CFAP92: variants seen among roughly 807,000 people sequenced by gnomAD.
The protein encoded by CFAP92 is uncharacterized protein CFAP92.
Under a neutral mutation model 106.3 loss-of-function variants are expected in CFAP92, and 86 were observed. The observed-to-expected ratio is 0.81, with a 90% confidence interval of 0.68 to 0.97. The LOEUF is 0.97. CFAP92 is among the 50% of genes least tolerant of loss of function. The probability of loss-of-function intolerance (pLI) is 0.00; values close to 1 mark genes in which losing one functional copy is unlikely to be tolerated. For missense variants in CFAP92, 1,204 were observed against 1,283.8 expected (o/e 0.94, Z 0.95); for synonymous variants, 477 against 506.4 (o/e 0.94, Z 0.78).
At chr3:129,019,563 T>G in the CFAP92 span, among the ~76,000 whole-genome samples, 1 of 152,134 alleles carries the variant, frequency 6.6e-6, no homozygotes, top group African/African-American at 2.4e-5. Flanking sequence ...AGAACTACAG[T>G]TCTGGGAAAA....
intron 12 of CFAP92, among the ~76,000 whole-genome samples, chr3:128,919,985 C>T (rs1330204392): frequency 1.3e-5 from 2 of 152,150 alleles, no homozygotes; most frequent in East Asian, 1.9e-4. Flanking sequence ...GTTTTCAATA[C>T]CCTCTTTACC....
At chr3:128,924,726 C>T (rs556130054) in intron 12 of CFAP92, among the ~76,000 whole-genome samples, 25 of 152,226 alleles carry the variant, frequency 1.6e-4, no homozygotes, top group African/African-American at 5.5e-4. Flanking sequence ...GGATTATAGG[C>T]GTGAGCCACC....
chr3:128,994,327 C>T (rs1287820027), upstream of CFAP92, among the ~76,000 whole-genome samples: 1 of 152,248 alleles, frequency 6.6e-6, no homozygotes, highest in Non-Finnish European at 1.5e-5. Context: ...CTACTATAAG[C>T]CTGGTCCTTG....
At position 128,993,086 on chromosome 3, in the gene CFAP92, GA is replaced by G. The variant is rs1287511543; in HGVS notation, c.218del (p.Val73AlafsTer13). ...STFSSDVPHV[V>X]PCKFTISLAF... Reference sequence around the variant, plus strand: ...CCAGTGAGATGGTGAATTTGCAGGGGACCACGTGGGGCACGTCGGAGCTGAA... The same window carrying G: ...CCAGTGAGATGGTGAATTTGCAGGGGCCACGTGGGGCACGTCGGAGCTGAA... On this transcript the variant is annotated frameshift_variant, in exon 2 of 16. Coordinates refer to ENST00000645291, the MANE Select transcript of CFAP92 (RefSeq NM_001394090.1). LOFTEE classifies it high-confidence loss of function. 6.2e-7 allele frequency: 1 copy of G among 1,614,076 alleles called. No individual in the cohort carries two copies. Among genetic ancestry groups the G allele is most frequent in the Non-Finnish European group, 8.5e-7 (1 of 1,179,902 alleles).
chr3:128,990,207 G>A (rs1359967327), intron 2 of CFAP92, among the ~76,000 whole-genome samples: 1 of 152,220 alleles, frequency 6.6e-6, no homozygotes, highest in Non-Finnish European at 1.5e-5. Flanking sequence ...ATTAAAACAA[G>A]TATCCTTGCC....
chr3:128,978,047 T>C lies in CFAP92; in HGVS notation c.806A>G (p.Gln269Arg). 1 of 1,613,970 alleles carries C rather than the reference T, an allele frequency of 6.2e-7. No homozygotes were observed. Among genetic ancestry groups the C allele is most frequent in the South Asian group, 1.1e-5 (1 of 91,082 alleles). Residue 269 changes from glutamine (Q) to arginine (R), a missense_variant and splice_region_variant, in exon 5 of 16, where the codon CAA (glutamine) becomes CGA (arginine). By Grantham distance (43) the Gln-to-Arg change is conservative (BLOSUM62 1). Coordinates refer to ENST00000645291, the MANE Select transcript of CFAP92 (RefSeq NM_001394090.1). ...CCACAAAGGCCTTCTCCGCTCACCT[T>C]GCAAAGACTTTGGGTGTTTTTCTGT... ...EKTEKHPKSLQGSHQAEPETS... is the reference protein window; with the variant it reads ...EKTEKHPKSLRGSHQAEPETS...
chr3:129,002,107 G>T (rs1944805260), intron 1 of CFAP92: 1 of 1,492,728 alleles, frequency 6.7e-7, no homozygotes, highest in East Asian at 2.7e-5. Context: ...GCGGGGCCCC[G>T]GCTGCCCCGC....
intron 12 of CFAP92, among the ~76,000 whole-genome samples, chr3:128,930,128 C>A (rs1422172483): frequency 6.6e-6 from 1 of 152,012 alleles, no homozygotes; most frequent in Non-Finnish European, 1.5e-5. Flanking sequence ...AAATTGTATA[C>A]TACTATATTA....
Position 128,916,219 on chromosome 3 carries a change from G to A in CFAP92, c.2804C>T (p.Ala935Val), listed in dbSNP as rs184900392. Residue 935 changes from alanine (A) to valine (V), a missense_variant, in exon 13 of 16, where the codon GCG becomes GTG. Transcript: ENST00000645291. ...AGGGGCTGAAATTTTAATCACCTTC[G>A]CCACGGACTTCGGAGGCTTCTTGCT... ...QVSKKPPKSV[A>V]KVIKISAPAN... is the part of the protein sequence containing the mutation. 1.3e-4 allele frequency: 163 copies of A among 1,231,958 alleles called. No homozygotes were observed. The highest frequency in any genetic ancestry group is 3.1e-5 in the African/African-American group (2 of 64,448). The allele number at this position is 1,231,958 out of a possible 1,614,324, so 76.3% of individuals were successfully genotyped here.
chr3:128,950,269 G>C (rs1248224521), intron 9 of CFAP92, among the ~76,000 whole-genome samples: 20 of 152,154 alleles, frequency 1.3e-4, no homozygotes. Context: ...GAACCCAGGG[G>C]TTCCCACCAA....
At chr3:128,928,429 T>C (rs1214966841) in intron 12 of CFAP92, among the ~76,000 whole-genome samples, 2 of 152,190 alleles carry the variant, frequency 1.3e-5, no homozygotes, top group Non-Finnish European at 2.9e-5. Context: ...ATAATTAAAG[T>C]CATCAAGACA....
chr3:128,971,243 C>T (rs772324347), intron 8 of CFAP92, 44 bp downstream of exon 8: 2 of 1,613,066 alleles, frequency 1.2e-6, no homozygotes, highest in Non-Finnish European at 1.7e-6. Flanking sequence ...GTTCTGGCCA[C>T]AAGACAAGCA....
intron 7 of CFAP92, among the ~76,000 whole-genome samples, chr3:128,974,892 G>A (rs1232217262): frequency 1.3e-5 from 2 of 151,304 alleles, no homozygotes; most frequent in Admixed American, 6.6e-5. Context: ...AGGCCGAGGC[G>A]GGCAGATCAC....
At chr3:128,979,308 G>C (rs1943366456) in intron 4 of CFAP92, among the ~76,000 whole-genome samples, 1 of 152,226 alleles carries the variant, frequency 6.6e-6, no homozygotes, top group Admixed American at 6.5e-5. Flanking sequence ...AGGTGTGGGA[G>C]AGGATGTGGA....
chr3:128,962,660 C>G (rs189360761), intron 9 of CFAP92, among the ~76,000 whole-genome samples: 137 of 152,202 alleles, frequency 9.0e-4, no homozygotes, highest in African/African-American at 3.1e-3. Flanking sequence ...TCATTAAAAC[C>G]TAATCATCCT....
At chr3:129,013,490 C>T in the CFAP92 span, among the ~76,000 whole-genome samples, 5 of 152,206 alleles carry the variant, frequency 3.3e-5, no homozygotes, top group African/African-American at 1.2e-4. Context: ...TCTTGTCTTT[C>T]TCCTAGTTGG....
rs538543201 is a variant in CFAP92 at position 128,965,534 on chromosome 3, G to A, written c.1330C>T (p.Pro444Ser). Reference sequence around the variant, plus strand: ...ACCTCTAGTTCCTGAATGGGTACAGGCTGTGATGGAAGGCAGGAAGCACAC... The same window carrying A: ...ACCTCTAGTTCCTGAATGGGTACAGACTGTGATGGAAGGCAGGAAGCACAC... ...IKCASCLPSQ[P>S]VPIQELERLC... The change falls in exon 9 of 16, where the codon CCT becomes TCT. Residue 444 changes from proline to serine, a missense_variant. Coordinates refer to ENST00000645291, the MANE Select transcript of CFAP92 (RefSeq NM_001394090.1). 39 of 399,020 alleles carry A rather than the reference G, an allele frequency of 9.8e-5. No individual in the cohort carries two copies. The highest frequency in any genetic ancestry group is 1.5e-4 in the Non-Finnish European group (35 of 226,074). 24.7% of individuals were successfully genotyped at this position (399,020 alleles called of 1,614,324 possible). A position where few individuals can be genotyped will look rare whatever the true frequency, so the allele number is the denominator to read the frequency against.
At chr3:128,923,594 T>TA (rs1450308043) in intron 12 of CFAP92, among the ~76,000 whole-genome samples, 1 of 152,064 alleles carries the variant, frequency 6.6e-6, no homozygotes, top group Non-Finnish European at 1.5e-5. Flanking sequence ...AAGGGGGAAA[T>TA]ATGTAAGAAG....
chr3:128,932,004 T>A (rs190992210), intron 12 of CFAP92, among the ~76,000 whole-genome samples: 19 of 152,228 alleles, frequency 1.2e-4, no homozygotes, highest in Non-Finnish European at 2.5e-4. Flanking sequence ...GGCAACAGAG[T>A]GAGACCCCGA....
Sources: gnomAD v4.1 joint callset for allele counts (sites outside exome capture counted in the v4.1 genomes callset) on GRCh38, gnomAD v4.1.1 for gene constraint, MANE v1.5 for transcripts, NCBI Gene and HGNC (gene_info 2026-07-23, HGNC 2026-07-21) for gene names.